Variants in SNX7 observed in about 807,000 individuals in gnomAD.
SNX7 encodes sorting nexin-7.
A neutral mutation model predicts 48.4 loss-of-function variants in SNX7; 35 were observed. That is an observed-to-expected ratio of 0.72 (90% CI 0.55 to 0.96). The LOEUF is 0.96. Ranked by LOEUF, SNX7 falls within the 40% of genes least tolerant of loss-of-function variation. The pLI is 0.00. For synonymous variants in SNX7, 190 were observed against 190.2 expected (o/e 1.00, Z 0.01); for missense variants, 553 against 548.9 (o/e 1.01, Z -0.07).
chr1:98,757,865 C>A, intron 8 of SNX7, among the ~76,000 whole-genome samples: 1 of 152,066 alleles, frequency 6.6e-6, no homozygotes, highest in East Asian at 1.9e-4. Flanking sequence ...TGACCTTTCA[C>A]AAACATGCAG....
At chr1:98,687,721 C>T (rs1650883502) in intron 2 of SNX7, among the ~76,000 whole-genome samples, 1 of 152,044 alleles carries the variant, frequency 6.6e-6, no homozygotes, top group Non-Finnish European at 1.5e-5. Context: ...TAAAGACATA[C>T]CCAGTACTGG....
At chr1:98,668,212 G>A (rs985895881) in intron 1 of SNX7, among the ~76,000 whole-genome samples, 1 of 152,116 alleles carries the variant, frequency 6.6e-6, no homozygotes, top group South Asian at 2.1e-4. Flanking sequence ...CATTTTATGT[G>A]CAAACATTCC....
At chr1:98,728,887 A>C (rs1189409424) in intron 7 of SNX7, among the ~76,000 whole-genome samples, 3 of 152,176 alleles carry the variant, frequency 2.0e-5, no homozygotes, top group Admixed American at 1.3e-4. Flanking sequence ...ACAGATCATC[A>C]AGACTGAAAA....
intron 7 of SNX7, among the ~76,000 whole-genome samples, chr1:98,702,762 A>G (rs1019660999): frequency 1.3e-5 from 2 of 152,150 alleles, no homozygotes; most frequent in African/African-American, 4.8e-5. Flanking sequence ...AAGCAGGTAT[A>G]GAAGTGGGAA....
At chr1:98,708,857 T>C (rs1297343896) in intron 7 of SNX7, among the ~76,000 whole-genome samples, 1 of 152,184 alleles carries the variant, frequency 6.6e-6, no homozygotes, top group Non-Finnish European at 1.5e-5. Context: ...ACCTTATGAA[T>C]AGGAGTCTGT....
chr1:98,691,206 T>C (rs1184879345), intron 3 of SNX7, 21 bp downstream of exon 3: 1 of 1,527,588 alleles, frequency 6.5e-7, no homozygotes, highest in East Asian at 2.3e-5. Flanking sequence ...AAAATTTTTT[T>C]TTTCATAGAA....
intron 1 of SNX7, among the ~76,000 whole-genome samples, chr1:98,679,884 C>T (rs918652924): frequency 6.6e-6 from 1 of 152,158 alleles, no homozygotes; most frequent in Non-Finnish European, 1.5e-5. Flanking sequence ...TTTCCAGAGG[C>T]ACAGTGCGAG....
chr1:98,706,213 A>G (rs368821748), intron 7 of SNX7, among the ~76,000 whole-genome samples: 6 of 152,170 alleles, frequency 3.9e-5, no homozygotes, highest in East Asian at 1.9e-4. Flanking sequence ...ATTAAAATTT[A>G]TAATATATTA....
rs185582314 is a variant in SNX7, at chr1:98,757,823, G to T, written c.1279-2231G>T. ...TCAGCAACAGAAGTCCTGAGCCTGA[G>T]TTCTTGATCACTACACTATACTTCC... On this transcript the variant is annotated intron_variant, in intron 8 of 8. Transcript: ENST00000306121. Among the ~76,000 whole-genome samples the T allele has an allele frequency of 2.4e-4, 36 of 152,134 alleles. 1 individual carries two copies. Among genetic ancestry groups the T allele is most frequent in the Non-Finnish European group, 1.5e-5 (1 of 67,990 alleles).
At chr1:98,748,412 A>G (rs546564821) in intron 8 of SNX7, among the ~76,000 whole-genome samples, 69 of 152,264 alleles carry the variant, frequency 4.5e-4, no homozygotes, top group African/African-American at 1.7e-3. Context: ...AGACAGTTAT[A>G]TCATGGCATA....
chr1:98,729,672 A>G (rs903330780), intron 7 of SNX7, among the ~76,000 whole-genome samples: 3 of 152,192 alleles, frequency 2.0e-5, no homozygotes, highest in African/African-American at 7.2e-5. Context: ...AGAAACTGAT[A>G]AATTCCTGGA....
At chr1:98,709,341 C>T (rs1652180145) in intron 7 of SNX7, among the ~76,000 whole-genome samples, 1 of 152,116 alleles carries the variant, frequency 6.6e-6, no homozygotes, top group African/African-American at 2.4e-5. Flanking sequence ...AAAGAAAAAG[C>T]GAGGCAGCAA....
intron 8 of SNX7, among the ~76,000 whole-genome samples, chr1:98,758,320 T>C (rs1007544402): frequency 2.0e-5 from 3 of 152,032 alleles, no homozygotes; most frequent in African/African-American, 7.2e-5. Flanking sequence ...TCCTGTACCG[T>C]CTAAGAGGAG....
chr1:98,727,743 A>G (rs562143245), intron 7 of SNX7, among the ~76,000 whole-genome samples: 1 of 152,220 alleles, frequency 6.6e-6, no homozygotes, highest in East Asian at 1.9e-4. Flanking sequence ...CAATGCAACC[A>G]TAGTATCAAT....
rs148335919 is a variant in SNX7 at position 98,728,352 on chromosome 1, C to T, written c.1126-9885C>T. Among the ~76,000 whole-genome samples, 398 of 152,250 alleles carry T rather than the reference C, an allele frequency of 2.6e-3. 1 individual carries two copies. Among genetic ancestry groups the T allele is most frequent in the African/African-American group, 9.2e-3 (382 of 41,550 alleles). The stretch of plus-strand genomic sequence containing the variant: ...AGCAAATGCTGAGGGAATTCATCAC[C>T]ACCAGGCCTGCCTTGCAAGAGCTAC... On this transcript the variant is annotated intron_variant, in intron 7 of 8. Transcript: ENST00000306121.
intron 7 of SNX7, among the ~76,000 whole-genome samples, chr1:98,733,924 C>T (rs1267343068): frequency 2.6e-5 from 4 of 152,142 alleles, no homozygotes; most frequent in Non-Finnish European, 4.4e-5. Flanking sequence ...ACAGCTCTGC[C>T]TTGATCAAAA....
At chr1:98,748,637 A>AACACATAC (rs367617965) in intron 8 of SNX7, among the ~76,000 whole-genome samples, 2 of 145,792 alleles carry the variant, frequency 1.4e-5, no homozygotes, top group Non-Finnish European at 3.0e-5. Context: ...AAATGATTTA[A>AACACATAC]ACACACACAC....
At chr1:98,700,722 A>G (rs1651703783) in intron 6 of SNX7, among the ~76,000 whole-genome samples, 1 of 152,022 alleles carries the variant, frequency 6.6e-6, no homozygotes, top group Non-Finnish European at 1.5e-5. Context: ...CCTGCTTTGA[A>G]TGTCTTAAGA....
intron 8 of SNX7, among the ~76,000 whole-genome samples, chr1:98,751,273 A>G (rs2101053948): frequency 6.6e-6 from 1 of 152,210 alleles, no homozygotes; most frequent in Non-Finnish European, 1.5e-5. Context: ...ATGAGAGCCG[A>G]AGAGACATTT....
Sources: gnomAD v4.1 joint callset for allele counts (sites outside exome capture counted in the v4.1 genomes callset) on GRCh38, gnomAD v4.1.1 for gene constraint, MANE v1.5 for transcripts, NCBI Gene and HGNC (gene_info 2026-07-23, HGNC 2026-07-21) for gene names.